Variants in PLPPR3 observed in about 807,000 individuals in gnomAD.
PLPPR3 encodes phospholipid phosphatase-related protein type 3.
PLPPR3 carries 14 observed loss-of-function variants against 27.3 expected under a neutral mutation model. That is an observed-to-expected ratio of 0.51 (90% CI 0.34 to 0.80). The LOEUF (loss-of-function observed/expected upper bound fraction) is 0.80, where lower values mean the gene tolerates loss of function less well. PLPPR3 is among the 30% of genes least tolerant of loss of function. The pLI is 0.01. For missense variants in PLPPR3, 1,287 were observed against 1,056.9 expected (o/e 1.22, Z -3.02); for synonymous variants, 671 against 508.0 (o/e 1.32, Z -4.32).
rs1555701800 is a variant in PLPPR3 at position 813,347 on chromosome 19, G to GTCCTCCTCCTCTTCCTCCTCC, written c.1359_1379dup (p.Glu453_Glu459dup). The GTCCTCCTCCTCTTCCTCCTCC allele has an allele frequency of 6.1e-6, 9 of 1,474,550 alleles. No individual in the cohort carries two copies. The South Asian group carries it at 1.2e-4, about 20-fold the overall frequency. The allele number at this position is 1,474,550 out of a possible 1,614,324, so 91.3% of individuals were successfully genotyped here. A position where few individuals can be genotyped will look rare whatever the true frequency, so the allele number is the denominator to read the frequency against. ...AGAGCGAGGGCGGGGCCGGGCCCTC[G>GTCCTCCTCCTCTTCCTCCTCC]TCCTCCTCCTCTTCCTCCTCCTCCT... is the stretch of plus-strand genomic sequence containing the variant. On this transcript the variant is annotated inframe_insertion, in exon 8 of 8. Transcript: ENST00000520876. The surrounding 1 kb of genome is among the most constrained non-coding windows in gnomAD (Gnocchi z 4.1).
rs371623178 is a variant in PLPPR3 at position 815,139 on chromosome 19, C to A, written c.403+47G>T. The A allele has an allele frequency of 2.5e-6, 4 of 1,600,874 alleles. No individual in the cohort carries two copies. In the African/African-American group the frequency reaches 5.3e-5, roughly 21 times the overall value. ...CTGGGGACCCGGGACAGCCCCACCC[C>A]CTGCATGTGGAGGTAGCTCAGGGTC... On this transcript the variant is annotated intron_variant, in intron 4 of 7. Transcript: ENST00000520876.
upstream of PLPPR3, among the ~76,000 whole-genome samples, chr19:822,197 C>A (rs2035159424): frequency 6.6e-6 from 1 of 151,710 alleles, no homozygotes. Context: ...TCGGGGGTCG[C>A]GTCCTCCTCC....
upstream of PLPPR3, among the ~76,000 whole-genome samples, chr19:823,050 C>A (rs911199281): frequency 6.6e-6 from 1 of 151,612 alleles, no homozygotes; most frequent in African/African-American, 2.4e-5. Flanking sequence ...ACCTGGGAAG[C>A]GGAGGTTGCA....
At chr19:823,441 C>CAAA (rs905654427), upstream of PLPPR3, among the ~76,000 whole-genome samples, 1 of 40,090 alleles carries the variant, frequency 2.5e-5, no homozygotes, top group East Asian at 5.7e-4. Context: ...GACTCTATCT[C>CAAA]AAAAAAAAAA....
chr19:822,939 T>A (rs1306307439), upstream of PLPPR3, among the ~76,000 whole-genome samples: 1 of 150,986 alleles, frequency 6.6e-6, no homozygotes, highest in Non-Finnish European at 1.5e-5. Flanking sequence ...GACAACATGG[T>A]GAAACCCCGT....
rs760444842 is a variant in PLPPR3 at position 815,200 on chromosome 19, G to A, written c.389C>T (p.Thr130Met). The A allele has an allele frequency of 5.6e-6, 9 of 1,603,184 alleles. No individual in the cohort carries two copies. The highest frequency in any genetic ancestry group is 6.8e-6 in the Non-Finnish European group (8 of 1,178,046). ...CCGCAACTCACCCACAAACCGCACC[G>A]TACGCCGCAGGAAGGAGTTGAAGTT... ...GCNFNSFLRR[T>M]VRFVGVHVFG... is the part of the protein sequence containing the mutation. The change falls in exon 4 of 8, where the codon ACG becomes ATG. Residue 130 changes from threonine to methionine, a missense_variant. By Grantham distance (81) the Thr-to-Met change is moderately conservative. Transcript: ENST00000520876.
At chr19:821,631 C>G (rs1859438) in intron 1 of PLPPR3, 46 bp from the exon 2 acceptor site, 140,258 of 1,165,046 alleles carry the variant, frequency 0.12, 9,099 homozygotes, top group Middle Eastern at 0.19. Context: ...CAGGCGGAGC[C>G]CGGGGGAGAC....
rs1359639920 is a variant in PLPPR3 at position 813,989 on chromosome 19, G to C, written c.832-94C>G. The C allele has an allele frequency of 3.2e-6, 4 of 1,244,454 alleles. No homozygotes were observed. Among genetic ancestry groups the C allele is most frequent in the Non-Finnish European group, 4.3e-6 (4 of 939,892 alleles). The allele number at this position is 1,244,454 out of a possible 1,614,324, so 77.1% of individuals were successfully genotyped here. A position where few individuals can be genotyped will look rare whatever the true frequency, so the allele number is the denominator to read the frequency against. ...TTGCCGCGGGGGGCTCTGGACCGGG[G>C]GTGGGGGCTGGCAAGCTCTTGTCCA... On this transcript the variant is annotated intron_variant, in intron 7 of 7. Transcript: ENST00000520876. The surrounding 1 kb of genome is among the most constrained non-coding windows in gnomAD (Gnocchi z 4.1).
In PLPPR3 at chr19:813,096, T is replaced by C; in HGVS notation, c.1631A>G (p.Lys544Arg). 6.7e-7 allele frequency: 1 copy of C among 1,501,714 alleles called. No homozygotes were observed. The highest frequency in any genetic ancestry group is 2.2e-5 in the Admixed American group (1 of 44,506). The allele number at this position is 1,501,714 out of a possible 1,614,324, so 93.0% of individuals were successfully genotyped here. The change falls in exon 8 of 8, where the codon AAG (lysine) becomes AGG (arginine). Residue 544 changes from lysine (K) to arginine (R), a missense_variant. Lys to Arg is a conservative substitution (Grantham distance 26). Coordinates refer to ENST00000520876, the MANE Select transcript of PLPPR3 (RefSeq NM_001270366.2). This position sits in a 1 kb window ranked among gnomAD's most constrained non-coding sequence, Gnocchi z 4.1. ...CTTGGGGCCCGGCGCGCCCGGAGCC[T>C]TGGACATGGCGATGACCTGCAGCAG... ...PRLLQVIAMSKAPGAPGPKAA... is the reference protein window; with the variant it reads ...PRLLQVIAMSRAPGAPGPKAA...
intron 2 of PLPPR3, among the ~76,000 whole-genome samples, chr19:817,556 G>T (rs1441843846): frequency 6.6e-6 from 1 of 152,228 alleles, no homozygotes; most frequent in Non-Finnish European, 1.5e-5. Context: ...TTACAGGCAT[G>T]AGTGACCTTG....
chr19:813,259 G>A lies in PLPPR3; in HGVS notation c.1468C>T (p.Pro490Ser). Residue 490 changes from proline to serine, a missense_variant, in exon 8 of 8, where the codon CCG becomes TCG. Transcript: ENST00000520876. This position sits in a 1 kb window ranked among gnomAD's most constrained non-coding sequence, Gnocchi z 4.1. ...PRVILPPRAG[P>S]PPLVHIPEEG... Reference sequence around the variant, plus strand: ...TCCGGGATGTGCACCAGCGGCGGCGGCCCCGCGCGCGGTGGGAGGATGACC... The same window carrying A: ...TCCGGGATGTGCACCAGCGGCGGCGACCCCGCGCGCGGTGGGAGGATGACC... The A allele has an allele frequency of 1.4e-6, 2 of 1,471,048 alleles. No homozygotes were observed. Among genetic ancestry groups the A allele is most frequent in the Non-Finnish European group, 1.8e-6 (2 of 1,121,076 alleles). The allele number at this position is 1,471,048 out of a possible 1,614,324, so 91.1% of individuals were successfully genotyped here.
chr19:822,659 A>G (rs2035166624), upstream of PLPPR3, among the ~76,000 whole-genome samples: 1 of 152,068 alleles, frequency 6.6e-6, no homozygotes, highest in African/African-American at 2.4e-5. Context: ...GGCCCTCGGG[A>G]CCCGCACTCG....
chr19:813,751 G>C lies in PLPPR3; in HGVS notation c.976C>G (p.Leu326Val), dbSNP rs2034995982. The C allele has an allele frequency of 6.6e-7, 1 of 1,526,588 alleles. No individual in the cohort carries two copies. Among genetic ancestry groups the C allele is most frequent in the South Asian group, 1.2e-5 (1 of 83,220 alleles). The allele number at this position is 1,526,588 out of a possible 1,614,324, so 94.6% of individuals were successfully genotyped here. ...QQNKSVSTDE[L>V]GPPGRLEGAP... ...CCCTCCAGCCGCCCTGGGGGCCCCA[G>C]CTCGTCGGTGCTCACCGACTTATTC... The change falls in exon 8 of 8, where the codon CTG becomes GTG. Residue 326 changes from leucine to valine, a missense_variant. Transcript: ENST00000520876. This position sits in a 1 kb window ranked among gnomAD's most constrained non-coding sequence, Gnocchi z 4.1.
Position 813,811 on chromosome 19 carries a change from G to C in PLPPR3, c.916C>G (p.Leu306Val). ...PAPAKDALRA[L>V]TQRGHDSVYQ... ...ACCGAGTCGTGGCCCCGCTGCGTCA[G>C]GGCCCGCAGCGCGTCCTTGGCGGGG... Residue 306 changes from leucine (L) to valine (V), a missense_variant, in exon 8 of 8, where the codon CTG (leucine) becomes GTG (valine). Transcript: ENST00000520876. The surrounding 1 kb of genome is among the most constrained non-coding windows in gnomAD (Gnocchi z 4.1). The C allele has an allele frequency of 2.6e-6, 4 of 1,512,886 alleles. No individual in the cohort carries two copies. The highest frequency in any genetic ancestry group is 2.5e-5 in the East Asian group (1 of 39,722). The allele number at this position is 1,512,886 out of a possible 1,614,324, so 93.7% of individuals were successfully genotyped here.
At position 815,777 on chromosome 19, in the gene PLPPR3, C is replaced by A; in HGVS notation, c.150G>T (p.Val50=). The change falls in exon 3 of 8, where the codon GTG becomes GTT. Residue 50 remains valine, a synonymous_variant. Coordinates refer to ENST00000520876, the MANE Select transcript of PLPPR3 (RefSeq NM_001270366.2). The part of the protein sequence containing the change: ...ELTDLFKPAK[V]GFQCYDRTLS... ...GAGTGCGGTCATAGCACTGGAAGCC[C>A]ACCTTGGCCGGCTTGAAGAGGTCGG... 6.2e-7 allele frequency: 1 copy of A among 1,612,872 alleles called. No homozygotes were observed. Among genetic ancestry groups the A allele is most frequent in the Non-Finnish European group, 8.5e-7 (1 of 1,179,898 alleles).
chr19:818,722 A>T (rs1328434940), intron 2 of PLPPR3, among the ~76,000 whole-genome samples: 2 of 151,780 alleles, frequency 1.3e-5, no homozygotes. Context: ...TTTAGTAGAG[A>T]CGGGGTTTCA....
upstream of PLPPR3, among the ~76,000 whole-genome samples, chr19:822,630 G>A (rs1231796134): frequency 1.3e-5 from 2 of 152,200 alleles, no homozygotes; most frequent in Non-Finnish European, 2.9e-5. Context: ...GGGGGCTGGG[G>A]GCTGCGGGAT....
At position 813,891 on chromosome 19, in the gene PLPPR3, C is replaced by T. The variant is rs1284145000; in HGVS notation, c.836G>A (p.Cys279Tyr). 1.4e-6 allele frequency: 2 copies of T among 1,433,450 alleles called. No homozygotes were observed. The highest frequency in any genetic ancestry group is 1.8e-6 in the Non-Finnish European group (2 of 1,100,398). The allele number at this position is 1,433,450 out of a possible 1,614,324, so 88.8% of individuals were successfully genotyped here. A position where few individuals can be genotyped will look rare whatever the true frequency, so the allele number is the denominator to read the frequency against. The stretch of plus-strand genomic sequence containing the variant: ...GGCCTGGAAGTTGCCCACCGCGTGG[C>T]AGGCCTGTCGGGGAGAGGGGTCTGG... Reference protein sequence around the residue: ...IGAGIAAYLACHAVGNFQAPP... With the variant: ...IGAGIAAYLAYHAVGNFQAPP... Residue 279 changes from cysteine (C) to tyrosine (Y), a missense_variant, in exon 8 of 8, where the codon TGC becomes TAC. Coordinates refer to ENST00000520876, the MANE Select transcript of PLPPR3 (RefSeq NM_001270366.2). This position sits in a 1 kb window ranked among gnomAD's most constrained non-coding sequence, Gnocchi z 4.1.
At chr19:815,430 T>TG in intron 3 of PLPPR3, 103 bp from the exon 4 acceptor site, 1 of 1,304,752 alleles carries the variant, frequency 7.7e-7, no homozygotes, top group Non-Finnish European at 1.0e-6. Flanking sequence ...GGCCCCGGTG[T>TG]GGATGTTCAC....
Sources: gnomAD v4.1 joint callset for allele counts (sites outside exome capture counted in the v4.1 genomes callset) on GRCh38, gnomAD v4.1.1 for gene constraint, Gnocchi (gnomAD v3.1) non-coding constraint, MANE v1.5 for transcripts, NCBI Gene and HGNC (gene_info 2026-07-23, HGNC 2026-07-21) for gene names.